The following ATXN1 variants were observed in gnomAD, a reference collection of about 807,000 sequenced individuals.
The protein encoded by ATXN1 is ataxin 1.
A neutral mutation model predicts 56.4 loss-of-function variants in ATXN1; 8 were observed. The ratio of observed to expected loss-of-function variants is 0.14; its 90% CI spans 0.08 to 0.26. ATXN1 has a LOEUF of 0.26. ATXN1 is among the 10% of genes least tolerant of loss of function. The probability of loss-of-function intolerance (pLI) is 1.00; values close to 1 mark genes in which losing one functional copy is unlikely to be tolerated. For missense variants in ATXN1, 987 were observed against 1,106.5 expected, an observed-to-expected ratio of 0.89 and a Z score of 1.53; for synonymous variants, 514 against 494.6, an observed-to-expected ratio of 1.04 and a Z score of -0.52.
At chr6:16,715,184 A>G (rs1425217730) in intron 2 of ATXN1, among the ~76,000 whole-genome samples, 1 of 152,186 alleles carries the variant, frequency 6.6e-6, no homozygotes, top group Non-Finnish European at 1.5e-5. Flanking sequence ...GCTAAAAATC[A>G]TTACAATAGC....
At chr6:16,567,990 A>C (rs1387979196) in intron 4 of ATXN1, among the ~76,000 whole-genome samples, 4 of 152,182 alleles carry the variant, frequency 2.6e-5, no homozygotes, top group African/African-American at 9.7e-5. Context: ...CACACACACA[A>C]AAGAGAATTA....
At chr6:16,657,604 A>T (rs1346076576) in intron 3 of ATXN1, among the ~76,000 whole-genome samples, 172 bp downstream of exon 3, 1 of 152,226 alleles carries the variant, frequency 6.6e-6, no homozygotes, top group Admixed American at 6.5e-5. Flanking sequence ...CATAAAGTAA[A>T]TGCGGTTGCT....
chr6:16,505,278 T>C (rs186066499), intron 5 of ATXN1, among the ~76,000 whole-genome samples: 51 of 152,268 alleles, frequency 3.3e-4, no homozygotes, highest in African/African-American at 7.9e-4. Context: ...AAGCTTACCA[T>C]GTGTTGAATT....
rs72118488 is a variant in ATXN1, at chr6:16,714,163, GA to G, written c.-615+39069del. On this transcript the variant is annotated intron_variant, in intron 2 of 7. Transcript: ENST00000436367. ...GAGTAAGACTGTAGAAAAAAAGAAA[GA>G]AAAAAAAAACCACACACCACACACA... Among the ~76,000 whole-genome samples, 934 of 128,248 alleles carry G rather than the reference GA, an allele frequency of 7.3e-3. 13 individuals are homozygous for G. Among genetic ancestry groups the G allele is most frequent in the African/African-American group, 0.026 (891 of 34,072 alleles). The allele number at this position is 128,248 out of a possible 152,430, so 84.1% of individuals were successfully genotyped here.
intron 3 of ATXN1, among the ~76,000 whole-genome samples, chr6:16,625,924 G>A (rs189955861): frequency 3.9e-5 from 6 of 152,280 alleles, no homozygotes; most frequent in Admixed American, 1.3e-4. Context: ...GGCTGACACT[G>A]AGGCAAACTT....
At chr6:16,741,043 G>A (rs1485215813) in intron 2 of ATXN1, among the ~76,000 whole-genome samples, 1 of 152,184 alleles carries the variant, frequency 6.6e-6, no homozygotes, top group African/African-American at 2.4e-5. Flanking sequence ...TGTACAAGGA[G>A]ATGGAGAAGA....
intron 4 of ATXN1, among the ~76,000 whole-genome samples, chr6:16,551,313 T>C (rs1042532489): frequency 1.3e-5 from 2 of 152,152 alleles, no homozygotes; most frequent in Non-Finnish European, 2.9e-5. Context: ...AAACAGAGAA[T>C]ATATTTTCTA....
intron 6 of ATXN1, among the ~76,000 whole-genome samples, chr6:16,451,750 C>T (rs936713337): frequency 6.7e-6 from 1 of 150,114 alleles, no homozygotes; most frequent in African/African-American, 2.5e-5. Flanking sequence ...AGCAAAACTC[C>T]GTCTCAAAAA....
At chr6:16,688,461 G>C (rs981130968) in intron 2 of ATXN1, among the ~76,000 whole-genome samples, 1 of 152,192 alleles carries the variant, frequency 6.6e-6, no homozygotes, top group African/African-American at 2.4e-5. Context: ...TTCCCTAGTT[G>C]AGGGTCTCTA....
At chr6:16,501,487 C>G (rs1010940722) in intron 5 of ATXN1, among the ~76,000 whole-genome samples, 1 of 152,078 alleles carries the variant, frequency 6.6e-6, no homozygotes, top group African/African-American at 2.4e-5. Context: ...CCCCCACTCA[C>G]CGATAGGCCC....
chr6:16,312,955 G>A (rs1368665127), intron 7 of ATXN1, among the ~76,000 whole-genome samples: 1 of 152,148 alleles, frequency 6.6e-6, no homozygotes, highest in East Asian at 1.9e-4. Flanking sequence ...TCGGCTCACT[G>A]CAACCTCTGC....
At chr6:16,572,862 C>T (rs1376737376) in intron 4 of ATXN1, among the ~76,000 whole-genome samples, 1 of 152,024 alleles carries the variant, frequency 6.6e-6, no homozygotes, top group Non-Finnish European at 1.5e-5. Context: ...AGTTTTGGTA[C>T]CTTGGGAACA....
intron 4 of ATXN1, among the ~76,000 whole-genome samples, chr6:16,533,886 A>G (rs1273484821): frequency 6.6e-6 from 1 of 152,170 alleles, no homozygotes; most frequent in Non-Finnish European, 1.5e-5. Flanking sequence ...GCATAGCACT[A>G]TTCCCTGGAT....
chr6:16,745,933 C>CATGTGT (rs1345781976), intron 2 of ATXN1, among the ~76,000 whole-genome samples: 24 of 147,128 alleles, frequency 1.6e-4, no homozygotes, highest in African/African-American at 1.3e-4. Flanking sequence ...CTATGCCTTC[C>CATGTGT]GTGTGTGTGT....
intron 6 of ATXN1, among the ~76,000 whole-genome samples, chr6:16,374,341 T>C (rs1441189737): frequency 6.6e-6 from 1 of 152,186 alleles, no homozygotes; most frequent in Non-Finnish European, 1.5e-5. Flanking sequence ...ATAAAAACCA[T>C]AGTTTAAGCC....
intron 4 of ATXN1, among the ~76,000 whole-genome samples, chr6:16,535,944 C>T (rs1761589785): frequency 6.6e-6 from 1 of 152,112 alleles, no homozygotes; most frequent in Non-Finnish European, 1.5e-5. Context: ...GCATGGTTGG[C>T]TCACGCCTGT....
intron 4 of ATXN1, among the ~76,000 whole-genome samples, chr6:16,579,407 C>A (rs966287106): frequency 6.8e-6 from 1 of 145,998 alleles, no homozygotes; most frequent in Non-Finnish European, 1.5e-5. Context: ...GTGGAAGAAA[C>A]CTCTGAGAGC....
intron 3 of ATXN1, among the ~76,000 whole-genome samples, chr6:16,637,422 C>G (rs1313545657): frequency 1.3e-5 from 2 of 151,468 alleles, no homozygotes; most frequent in Non-Finnish European, 2.9e-5. Context: ...GTGCAGCACA[C>G]CAACATGATA....
At chr6:16,478,426 C>A (rs1760371454) in intron 6 of ATXN1, among the ~76,000 whole-genome samples, 2 of 152,142 alleles carry the variant, frequency 1.3e-5, no homozygotes, top group Admixed American at 1.3e-4. Flanking sequence ...ACAGGTAGAG[C>A]CATTGAGGTT....
Sources: allele counts gnomAD v4.1 joint callset (sites outside exome capture counted in the v4.1 genomes callset), GRCh38; gene constraint gnomAD v4.1.1; transcripts MANE v1.5; gene names NCBI Gene and HGNC (gene_info 2026-07-23, HGNC 2026-07-21).